The following ALOX5AP variants were observed in gnomAD, a reference collection of about 807,000 sequenced individuals.
ALOX5AP encodes arachidonate 5-lipoxygenase-activating protein.
ALOX5AP carries 9 observed loss-of-function variants against 18.5 expected under a neutral mutation model. The observed-to-expected ratio is 0.49, with a 90% CI of 0.29 to 0.85. The LOEUF (loss-of-function observed/expected upper bound fraction) is 0.85, where lower values mean the gene tolerates loss of function less well. Among genes scored for constraint, ALOX5AP ranks in the 40% least tolerant of loss-of-function variants. The pLI, the probability that ALOX5AP is intolerant of heterozygous loss-of-function variation, is 0.08. For synonymous variants in ALOX5AP, 81 were observed against 78.6 expected (o/e 1.03, Z -0.16); for missense variants, 172 against 202.5 (o/e 0.85, Z 0.91).
chr13:30,719,376 A>T (rs1199408079), intron 1 of ALOX5AP, among the ~76,000 whole-genome samples: 1 of 152,198 alleles, frequency 6.6e-6, no homozygotes, highest in Non-Finnish European at 1.5e-5. Flanking sequence ...CTGTCTCAGT[A>T]ACCTCATCTG....
upstream of ALOX5AP, among the ~76,000 whole-genome samples, chr13:30,734,828 A>T (rs778548910): frequency 1.3e-5 from 2 of 152,224 alleles, no homozygotes; most frequent in Non-Finnish European, 2.9e-5. Context: ...AAATGGAGAT[A>T]TCAGCTGTCC....
At chr13:30,751,754 C>T (rs573360358) in intron 2 of ALOX5AP, among the ~76,000 whole-genome samples, 148 of 152,306 alleles carry the variant, frequency 9.7e-4, no homozygotes, top group South Asian at 2.5e-3. Flanking sequence ...AGCGCAGGGG[C>T]ACCGCCAGGA....
At chr13:30,723,363 T>G (rs1486976300) in intron 1 of ALOX5AP, among the ~76,000 whole-genome samples, 1 of 152,194 alleles carries the variant, frequency 6.6e-6, no homozygotes, top group African/African-American at 2.4e-5. Flanking sequence ...AAGACTATCT[T>G]TGCTCCACTG....
At chr13:30,716,819 T>A (rs2137783348) in intron 1 of ALOX5AP, among the ~76,000 whole-genome samples, 1 of 152,308 alleles carries the variant, frequency 6.6e-6, no homozygotes, top group Non-Finnish European at 1.5e-5. Flanking sequence ...ATGGTTGTGA[T>A]CTCTTATAGG....
At chr13:30,716,270 A>G (rs1393292662) in intron 1 of ALOX5AP, among the ~76,000 whole-genome samples, 1 of 152,244 alleles carries the variant, frequency 6.6e-6, no homozygotes, top group Non-Finnish European at 1.5e-5. Context: ...ACAACAGGGA[A>G]AGGGACACCG....
intron 4 of ALOX5AP, among the ~76,000 whole-genome samples, chr13:30,756,414 G>T (rs1202079668): frequency 1.3e-5 from 2 of 152,176 alleles, no homozygotes; most frequent in Non-Finnish European, 2.9e-5. Context: ...TTTGTCTAGA[G>T]AAATGAGAAC....
At chr13:30,744,508 C>CA in intron 2 of ALOX5AP, 5 of 177,156 alleles carry the variant, frequency 2.8e-5, no homozygotes, top group Admixed American at 5.7e-5. Flanking sequence ...CCATGACTCA[C>CA]CAGTCACCTT....
rs774719216 is a variant in ALOX5AP at position 30,764,101 on chromosome 13, C to T, written c.481C>T (p.Pro161Ser). Residue 161 changes from proline to serine, a missense_variant, in exon 5 of 5, where the codon CCC becomes TCC. Coordinates refer to ENST00000380490, the MANE Select transcript of ALOX5AP (RefSeq NM_001629.4). ...CACCATCTCCCCTCTACTTCTCATT[C>T]CCTAACTCTCTGCTGAATATGGGGT... ...STTISPLLLIP is the reference protein window; with the variant it reads ...STTISPLLLIS 1 of 1,613,734 alleles carries T rather than the reference C, an allele frequency of 6.2e-7. No homozygotes were observed. Among genetic ancestry groups the T allele is most frequent in the South Asian group, 1.1e-5 (1 of 91,016 alleles).
chr13:30,746,093 T>A (rs1951806958), intron 2 of ALOX5AP, among the ~76,000 whole-genome samples: 1 of 152,230 alleles, frequency 6.6e-6, no homozygotes, highest in Non-Finnish European at 1.5e-5. Flanking sequence ...TAAGAAGCCA[T>A]GGTGCTTAGA....
intron 1 of ALOX5AP, among the ~76,000 whole-genome samples, chr13:30,725,660 A>T (rs1441493945): frequency 6.6e-6 from 1 of 152,244 alleles, no homozygotes; most frequent in African/African-American, 2.4e-5. Context: ...TGGAATAGAC[A>T]TTTACTCTGG....
intron 1 of ALOX5AP, among the ~76,000 whole-genome samples, chr13:30,723,149 C>T (rs1042955551): frequency 1.3e-5 from 2 of 152,216 alleles, no homozygotes; most frequent in Non-Finnish European, 2.9e-5. Flanking sequence ...TCTCACCATA[C>T]ATATTTAAAA....
chr13:30,756,626 T>C (rs1381238627), intron 4 of ALOX5AP, among the ~76,000 whole-genome samples: 1 of 151,906 alleles, frequency 6.6e-6, no homozygotes, highest in Non-Finnish European at 1.5e-5. Flanking sequence ...CTGGCCAACA[T>C]GGTGAAACCC....
chr13:30,758,543 C>T (rs1951915123), intron 4 of ALOX5AP, among the ~76,000 whole-genome samples: 1 of 152,178 alleles, frequency 6.6e-6, no homozygotes, highest in Non-Finnish European at 1.5e-5. Context: ...GAAGACATTC[C>T]ATAATGAATG....
intron 1 of ALOX5AP, among the ~76,000 whole-genome samples, chr13:30,737,749 G>C (rs747263922): frequency 2.0e-5 from 3 of 152,176 alleles, no homozygotes; most frequent in Non-Finnish European, 4.4e-5. Flanking sequence ...TGTGGTCAGA[G>C]TGACTTTGCA....
chr13:30,753,746 G>T (rs1232098752), intron 3 of ALOX5AP, among the ~76,000 whole-genome samples: 1 of 152,192 alleles, frequency 6.6e-6, no homozygotes, highest in East Asian at 1.9e-4. Flanking sequence ...CCACTTCCCT[G>T]CAGGAGGCAC....
chr13:30,763,883 T>C, intron 4 of ALOX5AP, 61 bp from the exon 5 acceptor site: 3 of 1,491,078 alleles, frequency 2.0e-6, no homozygotes, highest in Non-Finnish European at 2.8e-6. Flanking sequence ...AACATTTTTG[T>C]GTGTGTGAAA....
At chr13:30,725,152 ACAG>A (rs939895720) in intron 1 of ALOX5AP, among the ~76,000 whole-genome samples, 17 of 128,824 alleles carry the variant, frequency 1.3e-4, no homozygotes, top group African/African-American at 5.0e-4. Flanking sequence ...TCCGTGAGTT[ACAG>A]ATCTACACAA....
chr13:30,735,630 G>A lies in ALOX5AP; in HGVS notation c.25G>A (p.Val9Ile), dbSNP rs757903139. 5.0e-6 allele frequency: 8 copies of A among 1,614,008 alleles called. No individual in the cohort carries two copies. In the African/African-American group the frequency reaches 6.7e-5, roughly 13 times the overall value. The change falls in exon 1 of 5, where the codon GTT (valine) becomes ATT (isoleucine). Residue 9 changes from valine to isoleucine, a missense_variant. Coordinates refer to ENST00000380490, the MANE Select transcript of ALOX5AP (RefSeq NM_001629.4). ...CATGGATCAAGAAACTGTAGGCAAT[G>A]TTGTCCTGTTGGCCATCGTCACCCT... Reference protein sequence around the residue: MDQETVGNVVLLAIVTLIS... With the variant: MDQETVGNIVLLAIVTLIS...
At chr13:30,733,025 G>C (rs894443762), upstream of ALOX5AP, among the ~76,000 whole-genome samples, 7 of 152,068 alleles carry the variant, frequency 4.6e-5, no homozygotes, top group South Asian at 2.1e-4. Flanking sequence ...CAGGCGTGGT[G>C]GTGGGTGCCT....
Sources: gnomAD v4.1 joint callset for allele counts (sites outside exome capture counted in the v4.1 genomes callset) on GRCh38, gnomAD v4.1.1 for gene constraint, MANE v1.5 for transcripts, NCBI Gene and HGNC (gene_info 2026-07-23, HGNC 2026-07-21) for gene names.